Variants in TUNAR observed in about 807,000 individuals in gnomAD.
TUNAR encodes the protein protein TUNAR.
chr14:95,883,715 C>T (rs993583477), intron 2 of TUNAR, among the ~76,000 whole-genome samples: 44 of 151,548 alleles, frequency 2.9e-4, no homozygotes, highest in African/African-American at 1.0e-3. Context: ...GTGCCTAGGG[C>T]CAAGCCACCC....
intron 2 of TUNAR, among the ~76,000 whole-genome samples, chr14:95,887,360 G>T (rs1476739208): frequency 6.6e-6 from 1 of 152,210 alleles, no homozygotes; most frequent in African/African-American, 2.4e-5. Flanking sequence ...AGGGACTTGT[G>T]CAGCGGTCAG....
At chr14:95,903,391 G>A (rs1595121383) in intron 2 of TUNAR, among the ~76,000 whole-genome samples, 1 of 152,166 alleles carries the variant, frequency 6.6e-6, no homozygotes, top group East Asian at 1.9e-4. Flanking sequence ...AGAAAGAGAT[G>A]ATGACATCAG....
intron 2 of TUNAR, among the ~76,000 whole-genome samples, chr14:95,894,640 G>A (rs1258184284): frequency 6.6e-6 from 1 of 152,252 alleles, no homozygotes; most frequent in African/African-American, 2.4e-5. Context: ...TTCTGCAGGT[G>A]CTGAGCTGTA....
intron 2 of TUNAR, among the ~76,000 whole-genome samples, chr14:95,906,781 C>T (rs1889432693): frequency 6.6e-6 from 1 of 152,194 alleles, no homozygotes; most frequent in African/African-American, 2.4e-5. Context: ...ATATGAAAGA[C>T]ATGCTAAACA....
At chr14:95,907,225 T>A (rs114414448) in intron 2 of TUNAR, among the ~76,000 whole-genome samples, 162 of 152,324 alleles carry the variant, frequency 1.1e-3, no homozygotes, top group African/African-American at 3.8e-3. Flanking sequence ...TTGCTTTTCG[T>A]ATTTTTGCAT....
intron 2 of TUNAR, among the ~76,000 whole-genome samples, chr14:95,887,787 G>A (rs34767699): frequency 0.056 from 8,466 of 152,298 alleles, 337 homozygotes; most frequent in East Asian, 0.13. Flanking sequence ...TTGGGGACCC[G>A]ACCAGATGAT....
chr14:95,880,015 A>G (rs1888954404), intron 2 of TUNAR, among the ~76,000 whole-genome samples: 1 of 152,154 alleles, frequency 6.6e-6, no homozygotes, highest in Non-Finnish European at 1.5e-5. Flanking sequence ...GGAAAACAAC[A>G]GCTTCCGTAG....
intron 2 of TUNAR, among the ~76,000 whole-genome samples, chr14:95,892,355 T>C (rs1266112486): frequency 6.6e-6 from 1 of 152,244 alleles, no homozygotes; most frequent in Admixed American, 6.5e-5. Flanking sequence ...TTGTGCCGCT[T>C]TCGCATCTGT....
intron 2 of TUNAR, among the ~76,000 whole-genome samples, chr14:95,903,356 A>G (rs553202046): frequency 6.6e-6 from 1 of 152,306 alleles, no homozygotes; most frequent in East Asian, 1.9e-4. Flanking sequence ...ACTGCTTTAA[A>G]TGTGACCACA....
intron 2 of TUNAR, among the ~76,000 whole-genome samples, chr14:95,911,583 A>T (rs976298568): frequency 2.0e-4 from 30 of 152,198 alleles, no homozygotes; most frequent in African/African-American, 6.8e-4. Flanking sequence ...TCAGACAACG[A>T]TGCTAAATTT....
chr14:95,915,938 A>G (rs895270988), intron 2 of TUNAR, among the ~76,000 whole-genome samples: 1 of 152,214 alleles, frequency 6.6e-6, no homozygotes, highest in African/African-American at 2.4e-5. Flanking sequence ...CCTGGTTACC[A>G]TGCGGGGCTT....
At chr14:95,919,008 GTCTT>G (rs1475021015) in intron 2 of TUNAR, among the ~76,000 whole-genome samples, 1 of 152,180 alleles carries the variant, frequency 6.6e-6, no homozygotes, top group African/African-American at 2.4e-5. Context: ...AGGGCTTGCA[GTCTT>G]TCTAAGACGA....
chr14:95,891,947 T>A (rs1391187190), intron 2 of TUNAR, among the ~76,000 whole-genome samples: 1 of 152,248 alleles, frequency 6.6e-6, no homozygotes, highest in Non-Finnish European at 1.5e-5. Context: ...CATGACCTTC[T>A]CCCTGTGCAT....
At chr14:95,920,191 C>T (rs907379317) in intron 2 of TUNAR, among the ~76,000 whole-genome samples, 3 of 152,098 alleles carry the variant, frequency 2.0e-5, no homozygotes, top group African/African-American at 7.2e-5. Context: ...TCCATTTACG[C>T]AGAATTCAAA....
At position 95,908,239 on chromosome 14, in the gene TUNAR, C is replaced by G. The variant is rs141276871; in HGVS notation, c.13-14542C>G. On this transcript the variant is annotated intron_variant, in intron 2 of 2. Transcript: ENST00000678517. ...AGTCAGATAGTGGGAAGAGGCACTT[C>G]CGAAGCTATGAGGGCAGGGATGACT... Among the ~76,000 whole-genome samples the G allele has an allele frequency of 6.4e-4, 97 of 152,340 alleles. 1 individual carries two copies. The highest frequency in any genetic ancestry group is 9.9e-4 in the African/African-American group (41 of 41,584).
At chr14:95,919,576 G>A (rs1282541793) in intron 2 of TUNAR, among the ~76,000 whole-genome samples, 1 of 152,092 alleles carries the variant, frequency 6.6e-6, no homozygotes, top group Non-Finnish European at 1.5e-5. Context: ...AGCTGGGCGT[G>A]GTGGTGCACG....
At chr14:95,915,128 A>G (rs79338683) in intron 2 of TUNAR, among the ~76,000 whole-genome samples, 1 of 152,334 alleles carries the variant, frequency 6.6e-6, no homozygotes, top group East Asian at 1.9e-4. Flanking sequence ...CTTGGTTAGC[A>G]CTGTGTGTTC....
intron 2 of TUNAR, among the ~76,000 whole-genome samples, chr14:95,877,891 G>C (rs1227657143): frequency 6.6e-6 from 1 of 152,226 alleles, no homozygotes; most frequent in African/African-American, 2.4e-5. Context: ...AGGATAATAT[G>C]TTTTCCTAGG....
rs1053730674 is a variant in TUNAR at position 95,884,805 on chromosome 14, G to A, written c.12+7628G>A. Among the ~76,000 whole-genome samples, 12 of 152,118 alleles carry A rather than the reference G, an allele frequency of 7.9e-5. No homozygotes were observed. In the East Asian group the frequency reaches 2.1e-3, roughly 27 times the overall value. On this transcript the variant is annotated intron_variant, in intron 2 of 2. Coordinates refer to ENST00000678517, the Ensembl canonical transcript of TUNAR. Reference sequence around the variant, plus strand: ...TGCGGTCCCCACAATCTGTGTCTGCGTGGTTGTATCTCCGACTGCCGCTCT... The same window carrying A: ...TGCGGTCCCCACAATCTGTGTCTGCATGGTTGTATCTCCGACTGCCGCTCT...
Sources: allele counts gnomAD v4.1 joint callset (sites outside exome capture counted in the v4.1 genomes callset), GRCh38; gene constraint gnomAD v4.1.1; transcripts MANE v1.5; gene names NCBI Gene and HGNC (gene_info 2026-07-23, HGNC 2026-07-21).